ACBD6: variants seen among roughly 807,000 people sequenced by gnomAD.
ACBD6 encodes the protein acyl-CoA-binding domain-containing protein 6.
A neutral mutation model predicts 37.2 loss-of-function variants in ACBD6; 28 were observed. The observed-to-expected ratio is 0.75, with a 90% confidence interval of 0.56 to 1.03. The LOEUF (loss-of-function observed/expected upper bound fraction) is 1.03, where lower values mean the gene tolerates loss of function less well. Among genes scored for constraint, ACBD6 ranks in the 50% least tolerant of loss-of-function variants. The probability of loss-of-function intolerance (pLI) is 0.00; values close to 1 mark genes in which losing one functional copy is unlikely to be tolerated. For missense variants in ACBD6, 340 were observed against 337.4 expected (o/e 1.01, Z -0.06); for synonymous variants, 113 against 126.8 (o/e 0.89, Z 0.73).
At chr1:180,467,879 A>G (rs1017273965) in intron 3 of ACBD6, among the ~76,000 whole-genome samples, 3 of 152,218 alleles carry the variant, frequency 2.0e-5, no homozygotes, top group Non-Finnish European at 4.4e-5. Flanking sequence ...GTAAACATGT[A>G]CATAAATCTT....
chr1:180,349,358 C>A (rs999937968), intron 6 of ACBD6, among the ~76,000 whole-genome samples: 1 of 151,596 alleles, frequency 6.6e-6, no homozygotes, highest in African/African-American at 2.4e-5. Context: ...CAGGTTCACG[C>A]CATTCTCCTG....
chr1:180,392,821 GC>G (rs1654125477), intron 6 of ACBD6, among the ~76,000 whole-genome samples: 1 of 151,578 alleles, frequency 6.6e-6, no homozygotes, highest in Admixed American at 6.6e-5. Flanking sequence ...CACCGAGAGG[GC>G]GCAGGGCTAG....
intron 6 of ACBD6, among the ~76,000 whole-genome samples, chr1:180,376,839 A>G (rs1653455530): frequency 6.6e-6 from 1 of 152,166 alleles, no homozygotes; most frequent in African/African-American, 2.4e-5. Flanking sequence ...ATACCCCCCA[A>G]ATAAACAAAA....
intron 3 of ACBD6, among the ~76,000 whole-genome samples, chr1:180,481,136 G>A (rs923971537): frequency 1.3e-5 from 2 of 151,894 alleles, no homozygotes; most frequent in African/African-American, 4.8e-5. Context: ...TCTTTAAATA[G>A]GGCATGCACT....
intron 8 of ACBD6, among the ~76,000 whole-genome samples, chr1:180,282,977 T>G (rs751900352): frequency 0.075 from 9,578 of 128,060 alleles, 251 homozygotes; most frequent in African/African-American, 0.13. Context: ...TTTCTGTTTT[T>G]TTTTTTTTTT....
chr1:180,481,177 C>T (rs1284246878), intron 3 of ACBD6, among the ~76,000 whole-genome samples: 2 of 152,086 alleles, frequency 1.3e-5, no homozygotes, highest in African/African-American at 4.8e-5. Flanking sequence ...GTGATTCTCT[C>T]TATATAAATC....
chr1:180,430,526 G>A (rs1648770528), intron 3 of ACBD6, among the ~76,000 whole-genome samples: 1 of 152,056 alleles, frequency 6.6e-6, no homozygotes, highest in Non-Finnish European at 1.5e-5. Flanking sequence ...AATTCTCCTA[G>A]CTGACTGTGA....
chr1:180,312,838 G>C (rs80048801), intron 7 of ACBD6, among the ~76,000 whole-genome samples: 3,009 of 152,258 alleles, frequency 0.02, 101 homozygotes, highest in African/African-American at 0.068. Context: ...AATCTCTGAA[G>C]TTACTATCCC....
intron 6 of ACBD6, among the ~76,000 whole-genome samples, chr1:180,333,987 G>T (rs999482057): frequency 1.3e-5 from 2 of 152,212 alleles, no homozygotes; most frequent in African/African-American, 4.8e-5. Context: ...TGCCATTGCC[G>T]AGGCTTGAGT....
chr1:180,323,710 A>G (rs887429061), intron 6 of ACBD6, among the ~76,000 whole-genome samples: 3 of 152,108 alleles, frequency 2.0e-5, no homozygotes, highest in Non-Finnish European at 4.4e-5. Flanking sequence ...ATATAACTAT[A>G]GCTACTCCTG....
At chr1:180,485,858 G>A (rs1413334313) in intron 3 of ACBD6, among the ~76,000 whole-genome samples, 1 of 150,376 alleles carries the variant, frequency 6.6e-6, no homozygotes, top group Non-Finnish European at 1.5e-5. Flanking sequence ...TGCTTTTAAT[G>A]AATTATACCC....
At chr1:180,430,125 A>G in intron 4 of ACBD6, 55 bp downstream of exon 4, 2 of 1,450,842 alleles carry the variant, frequency 1.4e-6, no homozygotes, top group Admixed American at 1.7e-5. Context: ...ATACAAACAC[A>G]TGCACACACA....
At chr1:180,475,214 G>C (rs1217923837) in intron 3 of ACBD6, among the ~76,000 whole-genome samples, 1 of 152,154 alleles carries the variant, frequency 6.6e-6, no homozygotes, top group Non-Finnish European at 1.5e-5. Flanking sequence ...GATGAGTTTT[G>C]ACGTATATTG....
intron 3 of ACBD6, among the ~76,000 whole-genome samples, chr1:180,456,428 A>C (rs1649927717): frequency 6.6e-6 from 1 of 152,166 alleles, no homozygotes; most frequent in Non-Finnish European, 1.5e-5. Flanking sequence ...TTAGAAGACC[A>C]TTAATGTGGG....
At chr1:180,379,723 G>GA (rs1443418609) in intron 6 of ACBD6, among the ~76,000 whole-genome samples, 1 of 151,854 alleles carries the variant, frequency 6.6e-6, no homozygotes, top group African/African-American at 2.4e-5. Context: ...AAAGAAAAGA[G>GA]AACAAAAAAA....
intron 3 of ACBD6, among the ~76,000 whole-genome samples, chr1:180,466,407 G>A (rs1242555881): frequency 6.6e-6 from 1 of 152,034 alleles, no homozygotes; most frequent in South Asian, 2.1e-4. Flanking sequence ...TAGGTATTAG[G>A]TTACTACAAA....
intron 3 of ACBD6, among the ~76,000 whole-genome samples, chr1:180,439,219 A>G (rs543134265): frequency 3.9e-5 from 6 of 152,290 alleles, no homozygotes; most frequent in African/African-American, 1.4e-4. Flanking sequence ...CCAAAACACA[A>G]GATTTTTCTT....
At chr1:180,427,171 C>T (rs1461934420) in intron 4 of ACBD6, among the ~76,000 whole-genome samples, 5 of 152,112 alleles carry the variant, frequency 3.3e-5, no homozygotes, top group African/African-American at 1.2e-4. Context: ...AGAAAAGCTG[C>T]CACAACAATG....
chr1:180,425,010 CTTCGCTTTA>C (rs1285771293), intron 4 of ACBD6, among the ~76,000 whole-genome samples: 2 of 152,196 alleles, frequency 1.3e-5, no homozygotes, highest in African/African-American at 4.8e-5. Flanking sequence ...ATAATTATCT[CTTCGCTTTA>C]ATCGCCTTGT....
Sources: allele counts gnomAD v4.1 joint callset (sites outside exome capture counted in the v4.1 genomes callset), GRCh38; gene constraint gnomAD v4.1.1; transcripts MANE v1.5; gene names NCBI Gene and HGNC (gene_info 2026-07-23, HGNC 2026-07-21).